The following STK38L variants were observed in gnomAD, a reference collection of about 807,000 sequenced individuals.
The protein encoded by STK38L is serine/threonine kinase 38 like.
STK38L carries 28 observed loss-of-function variants against 59.7 expected under a neutral mutation model. That is an observed-to-expected ratio of 0.47 (90% CI 0.35 to 0.64). STK38L has a LOEUF of 0.64. Ranked by LOEUF, STK38L falls within the 30% of genes least tolerant of loss-of-function variation. The pLI is 0.01. For missense variants in STK38L, 314 were observed against 555.8 expected, an observed-to-expected ratio of 0.56 and a Z score of 4.37; for synonymous variants, 162 against 176.8, an observed-to-expected ratio of 0.92 and a Z score of 0.66.
chr12:27,294,434 G>A (rs901380777), intron 1 of STK38L, among the ~76,000 whole-genome samples: 1 of 150,858 alleles, frequency 6.6e-6, no homozygotes, highest in Non-Finnish European at 1.5e-5. Context: ...TTGAACCCAG[G>A]AGGTGGAGGT....
At chr12:27,292,338 TTCTTGTTTTTAAAGCTAA>T (rs148743347) in intron 1 of STK38L, among the ~76,000 whole-genome samples, 9,729 of 152,036 alleles carry the variant, frequency 0.064, 895 homozygotes, top group African/African-American at 0.2. Context: ...AAACAAATTT[TTCTTGTTTTTAAAGCTAA>T]TCTTGTTTTT....
chr12:27,255,865 A>G (rs943461944), intron 1 of STK38L, among the ~76,000 whole-genome samples: 2 of 152,170 alleles, frequency 1.3e-5, no homozygotes, highest in Non-Finnish European at 2.9e-5. Context: ...TCTTCTAGAT[A>G]TCACCACCTT....
At chr12:27,276,292 A>G (rs1009339364) in intron 1 of STK38L, among the ~76,000 whole-genome samples, 1 of 152,148 alleles carries the variant, frequency 6.6e-6, no homozygotes, top group African/African-American at 2.4e-5. Flanking sequence ...ATATTTTAGT[A>G]TGTATAGGAT....
At chr12:27,312,067 G>A (rs568793900) in intron 5 of STK38L, among the ~76,000 whole-genome samples, 188 of 152,282 alleles carry the variant, frequency 1.2e-3, no homozygotes, top group Middle Eastern at 3.4e-3. Flanking sequence ...GTTTAGTAGA[G>A]ACGGGGTTTC....
At chr12:27,293,379 C>T (rs909079378) in intron 1 of STK38L, among the ~76,000 whole-genome samples, 1 of 152,208 alleles carries the variant, frequency 6.6e-6, no homozygotes, top group Non-Finnish European at 1.5e-5. Context: ...TTAGATTCCA[C>T]CTTATCCCAA....
At position 27,308,534 on chromosome 12, in the gene STK38L, A is replaced by G; in HGVS notation, c.309+73A>G. ...GATAATTTAAAATATGTGTTAAAAT[A>G]TAATTCCTGGCTGGGTGCGGTGGCT... On this transcript the variant is annotated intron_variant, in intron 4 of 13. Coordinates refer to ENST00000389032, the MANE Select transcript of STK38L (RefSeq NM_015000.4). The surrounding 1 kb of genome is among the most constrained non-coding windows in gnomAD (Gnocchi z 4.5). 7.4e-7 allele frequency: 1 copy of G among 1,354,220 alleles called. No homozygotes were observed. The highest frequency in any genetic ancestry group is 9.6e-7 in the Non-Finnish European group (1 of 1,036,870). The allele number at this position is 1,354,220 out of a possible 1,614,324, so 83.9% of individuals were successfully genotyped here.
intron 3 of STK38L, among the ~76,000 whole-genome samples, chr12:27,306,752 C>CACACACACACACACACACACACACAT (rs1491536388): frequency 5.7e-5 from 8 of 139,636 alleles, no homozygotes; most frequent in Admixed American, 2.1e-4. Flanking sequence ...CACACACACA[C>CACACACACACACACACACACACACAT]ATATATTTGA....
chr12:27,312,008 T>A (rs1281530474), intron 5 of STK38L, among the ~76,000 whole-genome samples: 2 of 152,070 alleles, frequency 1.3e-5, no homozygotes, highest in Non-Finnish European at 2.9e-5. Flanking sequence ...GCCTCCTGAG[T>A]AGCCGGGACT....
Position 27,297,876 on chromosome 12 carries a change from AC to A in STK38L, c.134+23del, listed in dbSNP as rs767861171. On this transcript the variant is annotated intron_variant, in intron 2 of 13. Coordinates refer to ENST00000389032, the MANE Select transcript of STK38L (RefSeq NM_015000.4). The stretch of plus-strand genomic sequence containing the variant: ...CCAGGTATAGTAAGGGCTAATCAAA[AC>A]TTTTTTTAGTTAAATAAGCTGTTGT... 1.9e-6 allele frequency: 3 copies of A among 1,611,462 alleles called. No individual in the cohort carries two copies. The East Asian group carries it at 6.7e-5, about 36-fold the overall frequency.
intron 1 of STK38L, among the ~76,000 whole-genome samples, chr12:27,257,442 C>T (rs373419403): frequency 6.6e-6 from 1 of 152,234 alleles, no homozygotes; most frequent in East Asian, 1.9e-4. Context: ...CTCCTTCTGT[C>T]AACATAGTTG....
At chr12:27,278,005 A>T (rs1361220997) in intron 1 of STK38L, among the ~76,000 whole-genome samples, 1 of 152,218 alleles carries the variant, frequency 6.6e-6, no homozygotes, top group Admixed American at 6.5e-5. Context: ...TTTTCAGGTC[A>T]TGTATAAGGA....
intron 1 of STK38L, among the ~76,000 whole-genome samples, chr12:27,255,943 G>A (rs1256994882): frequency 6.6e-6 from 1 of 152,160 alleles, no homozygotes; most frequent in African/African-American, 2.4e-5. Context: ...CCTTCACAGA[G>A]CCATTCTTGT....
intron 1 of STK38L, among the ~76,000 whole-genome samples, chr12:27,273,737 AAGAT>A (rs1186375171): frequency 7.2e-5 from 11 of 152,238 alleles, no homozygotes; most frequent in Non-Finnish European, 1.3e-4. Flanking sequence ...TAATGGTTAA[AAGAT>A]AGGCAGAATT....
intron 1 of STK38L, among the ~76,000 whole-genome samples, chr12:27,277,509 AG>A (rs1943563512): frequency 6.6e-6 from 1 of 152,090 alleles, no homozygotes; most frequent in Non-Finnish European, 1.5e-5. Flanking sequence ...ACCAACTCAA[AG>A]GTAAGTTTTC....
intron 1 of STK38L, among the ~76,000 whole-genome samples, chr12:27,280,238 A>G (rs1943624495): frequency 6.6e-6 from 1 of 152,178 alleles, no homozygotes; most frequent in African/African-American, 2.4e-5. Flanking sequence ...TGAGGCGGAT[A>G]AGCAGTTCTT....
chr12:27,252,474 GTTAAGT>G (rs1468476134), intron 1 of STK38L, among the ~76,000 whole-genome samples: 1 of 152,132 alleles, frequency 6.6e-6, no homozygotes, highest in Non-Finnish European at 1.5e-5. Context: ...TTTTTACTTA[GTTAAGT>G]GTCTACCCAC....
rs1445568451 is a variant in STK38L at position 27,303,626 on chromosome 12, T to A, written c.186+1438T>A. The stretch of plus-strand genomic sequence containing the variant: ...GATTAGGAGAGGGAGAGTGAGTGAG[T>A]GTGTGTGTGTAAAAATATGTACGCA... On this transcript the variant is annotated intron_variant, in intron 3 of 13. Coordinates refer to ENST00000389032, the MANE Select transcript of STK38L (RefSeq NM_015000.4). Among the ~76,000 whole-genome samples the A allele has an allele frequency of 2.0e-5, 3 of 151,748 alleles. No individual in the cohort carries two copies. In the East Asian group the frequency reaches 5.8e-4, roughly 29 times the overall value.
At chr12:27,321,104 AGGCCTCCAG>A (rs1290131939) in intron 12 of STK38L, among the ~76,000 whole-genome samples, 5 of 152,202 alleles carry the variant, frequency 3.3e-5, no homozygotes, top group Admixed American at 6.5e-5. Context: ...GTTAGCTCTC[AGGCCTCCAG>A]GGTTCTTTCC....
rs369772251 is a variant in STK38L at position 27,254,528 on chromosome 12, G to T, written c.-12+10196G>T. ...GCACTACAGATTTCTTTTTTACATAGATTTACTTTCTACAGTGGTTATTTT... is the reference window on the plus strand; with the variant it reads ...GCACTACAGATTTCTTTTTTACATATATTTACTTTCTACAGTGGTTATTTT... On this transcript the variant is annotated intron_variant, in intron 1 of 13. Coordinates refer to ENST00000389032, the MANE Select transcript of STK38L (RefSeq NM_015000.4). Among the ~76,000 whole-genome samples, 24 of 152,182 alleles carry T rather than the reference G, an allele frequency of 1.6e-4. No homozygotes were observed. In the East Asian group the frequency reaches 4.4e-3, roughly 28 times the overall value.
Sources: allele counts gnomAD v4.1 joint callset (sites outside exome capture counted in the v4.1 genomes callset), GRCh38; gene constraint gnomAD v4.1.1; non-coding constraint Gnocchi (gnomAD v3.1); transcripts MANE v1.5; gene names NCBI Gene and HGNC (gene_info 2026-07-23, HGNC 2026-07-21).